MYO18B: variants seen among roughly 807,000 people sequenced by gnomAD.
The protein encoded by MYO18B is unconventional myosin-XVIIIb.
MYO18B carries 204 observed loss-of-function variants against 273.0 expected under a neutral mutation model. The ratio of observed to expected loss-of-function variants is 0.75; its 90% CI spans 0.67 to 0.84. The LOEUF (loss-of-function observed/expected upper bound fraction) is 0.84, where lower values mean the gene tolerates loss of function less well. Among genes scored for constraint, MYO18B ranks in the 40% least tolerant of loss-of-function variants. MYO18B has a pLI of 0.00. For missense variants in MYO18B, 3,212 were observed against 3,287.6 expected (o/e 0.98, Z 0.56); for synonymous variants, 1,330 against 1,305.7 (o/e 1.02, Z -0.40).
chr22:25,894,689 A>T (rs1021533781), intron 27 of MYO18B: 2 of 153,538 alleles, frequency 1.3e-5, no homozygotes, highest in Admixed American at 6.5e-5. Context: ...GGCCAGTAGG[A>T]TGACTCTTTT....
intron 39 of MYO18B, among the ~76,000 whole-genome samples, chr22:25,991,319 G>A (rs775511209): frequency 3.3e-5 from 5 of 152,144 alleles, no homozygotes; most frequent in East Asian, 1.9e-4. Flanking sequence ...ACTCAGCACC[G>A]TGGACATTCA....
rs2087082052 is a variant in MYO18B at position 25,780,216 on chromosome 22, A to G, written c.2211+18A>G. 3.1e-6 allele frequency: 5 copies of G among 1,594,442 alleles called. No individual in the cohort carries two copies. In the East Asian group the frequency reaches 1.1e-4, roughly 36 times the overall value. ...AGCTCCAGGTGAGGCCTCTCGGGGG[A>G]TGTGCAAGGGGGCCCTTGGGGCTGC... On this transcript the variant is annotated intron_variant, in intron 9 of 43. Transcript: ENST00000335473.
At chr22:25,773,216 A>C (rs2086789040) in intron 7 of MYO18B, among the ~76,000 whole-genome samples, 1 of 152,136 alleles carries the variant, frequency 6.6e-6, no homozygotes, top group Non-Finnish European at 1.5e-5. Context: ...CTATTGATTG[A>C]GGGTCTCCTA....
At chr22:25,761,749 G>GCCTGCC (rs957091896) in intron 2 of MYO18B, among the ~76,000 whole-genome samples, 170 of 152,268 alleles carry the variant, frequency 1.1e-3, no homozygotes, top group African/African-American at 3.5e-3. Context: ...GCTGCCTCCT[G>GCCTGCC]CCTGCCCCTG....
chr22:25,808,795 T>G (rs931291555), intron 12 of MYO18B, among the ~76,000 whole-genome samples: 1 of 152,126 alleles, frequency 6.6e-6, no homozygotes, highest in African/African-American at 2.4e-5. Flanking sequence ...ATAATCAGAG[T>G]GCCTGCCTCC....
intron 30 of MYO18B, 63 bp downstream of exon 30, chr22:25,902,799 C>T (rs1207105280): frequency 2.7e-6 from 4 of 1,508,912 alleles, no homozygotes; most frequent in East Asian, 2.5e-5. Flanking sequence ...GAAACTGCAT[C>T]GTGCACCTGC....
At chr22:25,890,446 C>G (rs538715792) in intron 25 of MYO18B, among the ~76,000 whole-genome samples, 1 of 152,300 alleles carries the variant, frequency 6.6e-6, no homozygotes, top group South Asian at 2.1e-4. Flanking sequence ...AGGCACCGTG[C>G]TAAGCTTTCA....
intron 25 of MYO18B, among the ~76,000 whole-genome samples, chr22:25,889,149 C>T (rs2091586979): frequency 6.6e-6 from 1 of 150,570 alleles, no homozygotes; most frequent in African/African-American, 2.4e-5. Flanking sequence ...GCCTTTTTTT[C>T]CCCTTTGGCA....
rs200569606 is a variant in MYO18B at position 26,022,117 on chromosome 22, A to G, written c.6471-4328A>G. Among the ~76,000 whole-genome samples the G allele has an allele frequency of 1.2e-4, 19 of 152,030 alleles. No individual in the cohort carries two copies. In the East Asian group the frequency reaches 3.5e-3, roughly 28 times the overall value. ...AGTGCCCCTGCCTATCCTGCCTCAT[A>G]GTGACTCTGAGAGCCTTCTATACGT... On this transcript the variant is annotated intron_variant, in intron 42 of 43. Transcript: ENST00000335473.
chr22:25,798,129 G>A, intron 12 of MYO18B, 32 bp downstream of exon 12: 1 of 1,571,624 alleles, frequency 6.4e-7, no homozygotes, highest in Non-Finnish European at 8.7e-7. Flanking sequence ...CACCTGGGAG[G>A]GCAGCTGTCT....
intron 42 of MYO18B, among the ~76,000 whole-genome samples, chr22:26,008,541 A>G (rs1177996170): frequency 6.6e-6 from 1 of 152,232 alleles, no homozygotes; most frequent in African/African-American, 2.4e-5. Context: ...CATTATTTAT[A>G]AGGGGACGTC....
intron 1 of MYO18B, among the ~76,000 whole-genome samples, chr22:25,759,232 T>C (rs1468508603): frequency 1.3e-5 from 2 of 152,164 alleles, no homozygotes; most frequent in East Asian, 1.9e-4. Flanking sequence ...CATATACACA[T>C]GTATGTTTAT....
At chr22:25,862,027 A>T (rs781624784) in intron 21 of MYO18B, among the ~76,000 whole-genome samples, 1 of 152,220 alleles carries the variant, frequency 6.6e-6, no homozygotes, top group Non-Finnish European at 1.5e-5. Context: ...TCTGAACTGA[A>T]CATATACAGA....
chr22:25,871,663 C>A (rs2091047963), intron 22 of MYO18B, among the ~76,000 whole-genome samples: 2 of 152,098 alleles, frequency 1.3e-5, no homozygotes, highest in African/African-American at 4.8e-5. Flanking sequence ...TTAGATTTTT[C>A]TTCGTGATTT....
chr22:26,001,944 A>G (rs969540389), intron 40 of MYO18B, among the ~76,000 whole-genome samples: 3 of 152,212 alleles, frequency 2.0e-5, no homozygotes, highest in African/African-American at 7.2e-5. Flanking sequence ...TCAAGTAAAG[A>G]TTGGTGTTTA....
chr22:25,851,529 C>G lies in MYO18B; in HGVS notation c.3835C>G (p.Pro1279Ala), dbSNP rs1398295023. The G allele has an allele frequency of 1.9e-6, 3 of 1,561,568 alleles. No homozygotes were observed. The highest frequency in any genetic ancestry group is 2.6e-6 in the Non-Finnish European group (3 of 1,152,422). Residue 1279 changes from proline to alanine, a missense_variant, in exon 21 of 44, where the codon CCA (proline) becomes GCA (alanine). By Grantham distance (27) the Pro-to-Ala change is conservative (BLOSUM62 -1). Coordinates refer to ENST00000335473, the MANE Select transcript of MYO18B (RefSeq NM_032608.7). ...CCGGCAATTCCAGGTGCTGGACGCT[C>G]CACTCCTGAAGAAGCTCATGTCGAC... ...FRRQFQVLDA[P>A]LLKKLMSTSE...
rs539058867 is a variant in MYO18B, at chr22:25,908,119, G to A, written c.5149-203G>A. 6.6e-5 allele frequency among the ~76,000 whole-genome samples: 10 copies of A among 152,076 alleles called. No individual in the cohort carries two copies. In the South Asian group the frequency reaches 1.9e-3, roughly 29 times the overall value. On this transcript the variant is annotated intron_variant, in intron 31 of 43. Transcript: ENST00000335473. ...AAAGTGTGATTGATGAGTGATGTCT[G>A]TTATAAGCACAAGAATGGATAGAGG...
chr22:25,946,165 A>C lies in MYO18B; in HGVS notation c.5546A>C (p.Glu1849Ala). ...QLEQSEAKCE[E>A]ALKTQKVLTA... ...GAGCAGAGTGAAGCCAAGTGTGAGG[A>C]GGCCTTGAAGACGCAGAAGGTGCTC... The change falls in exon 35 of 44, where the codon GAG becomes GCG. Residue 1849 changes from glutamate (E) to alanine (A), a missense_variant. Glu to Ala is a moderately radical substitution (Grantham distance 107). Transcript: ENST00000335473. 1 of 1,564,686 alleles carries C rather than the reference A, an allele frequency of 6.4e-7. No individual in the cohort carries two copies. The highest frequency in any genetic ancestry group is 8.6e-7 in the Non-Finnish European group (1 of 1,159,860).
Position 25,843,859 on chromosome 22 carries a change from C to T in MYO18B, c.3333C>T (p.Ala1111=). Residue 1111 remains alanine (A), a synonymous_variant, in exon 18 of 44, where the codon GCC becomes GCT. Coordinates refer to ENST00000335473, the MANE Select transcript of MYO18B (RefSeq NM_032608.7). ...ACAGAGCCAAGCCCAACCTCTCGGC[C>T]CTGGATGCACCCCAGGTCCTGCACC... ...WLHRAKPNLS[A]LDAPQVLHQS... 1 of 1,612,638 alleles carries T rather than the reference C, an allele frequency of 6.2e-7. No homozygotes were observed. The highest frequency in any genetic ancestry group is 8.5e-7 in the Non-Finnish European group (1 of 1,178,790).
Sources: allele counts gnomAD v4.1 joint callset (sites outside exome capture counted in the v4.1 genomes callset), GRCh38; gene constraint gnomAD v4.1.1; transcripts MANE v1.5; gene names NCBI Gene and HGNC (gene_info 2026-07-23, HGNC 2026-07-21).